ZNF316: variants seen among roughly 807,000 people sequenced by gnomAD.
The protein encoded by ZNF316 is zinc finger protein 316.
Under a neutral mutation model 75.6 loss-of-function variants are expected in ZNF316, and 23 were observed. The observed-to-expected ratio is 0.30, with a 90% CI of 0.22 to 0.43. The LOEUF is 0.43. Ranked by LOEUF, ZNF316 falls within the 20% of genes least tolerant of loss-of-function variation. The pLI is 1.00. For synonymous variants in ZNF316, 827 were observed against 666.2 expected, an observed-to-expected ratio of 1.24 and a Z score of -3.72; for missense variants, 1,266 against 1,409.4, an observed-to-expected ratio of 0.90 and a Z score of 1.63.
In ZNF316 at chr7:6,654,606, C is replaced by T. The variant is rs1779584045; in HGVS notation, c.3010C>T (p.Leu1004=). ...GPSGAYREGV[L] ...CTCGGGCGCCTACCGGGAGGGCGTC[C>T]TGTGAGGGGCCCGGGGCCGACAGCA... Residue 1004 remains leucine (L), a synonymous_variant, in exon 9 of 9, where the codon CTG becomes TTG. Transcript: ENST00000382252. 4.2e-6 allele frequency: 5 copies of T among 1,185,768 alleles called. No individual in the cohort carries two copies. The highest frequency in any genetic ancestry group is 3.4e-4 in the Middle Eastern group (1 of 2,922). 73.5% of individuals were successfully genotyped at this position (1,185,768 alleles called of 1,614,324 possible).
rs1201763976 is a variant in ZNF316, at chr7:6,654,584, G to A, written c.2988G>A (p.Ser996=). The change falls in exon 9 of 9, where the codon TCG becomes TCA. Residue 996 remains serine (S), a synonymous_variant. Coordinates refer to ENST00000382252, the MANE Select transcript of ZNF316 (RefSeq NM_001278559.2). The part of the protein sequence containing the change: ...SEHQAAFAGP[S]GAYREGVL The stretch of plus-strand genomic sequence containing the variant: ...ACCAGGCCGCGTTCGCCGGGCCCTC[G>A]GGCGCCTACCGGGAGGGCGTCCTGT... The A allele has an allele frequency of 2.4e-5, 28 of 1,186,298 alleles. No homozygotes were observed. The highest frequency in any genetic ancestry group is 2.9e-5 in the Non-Finnish European group (28 of 958,840). 73.5% of individuals were successfully genotyped at this position (1,186,298 alleles called of 1,614,324 possible). A position where few individuals can be genotyped will look rare whatever the true frequency, so the allele number is the denominator to read the frequency against.
chr7:6,640,575 C>T lies in ZNF316; in HGVS notation c.-166-1250C>T, dbSNP rs545603376. ...GATCCAGTCACCTCCCACCAGGCCC[C>T]GCCTCCAGCATTGGGGATTACGGTT... is the stretch of plus-strand genomic sequence containing the variant. On this transcript the variant is annotated intron_variant, in intron 3 of 8. Transcript: ENST00000382252. This position sits in a 1 kb window ranked among gnomAD's most constrained non-coding sequence, Gnocchi z 5.1. Among the ~76,000 whole-genome samples, 67 of 152,342 alleles carry T rather than the reference C, an allele frequency of 4.4e-4. No individual in the cohort carries two copies. The highest frequency in any genetic ancestry group is 3.9e-3 in the Admixed American group (60 of 15,302).
chr7:6,643,986 G>A (rs1409437523), intron 7 of ZNF316, 38 bp downstream of exon 7: 10 of 1,231,806 alleles, frequency 8.1e-6, no homozygotes, highest in African/African-American at 1.5e-5. Context: ...AGGCAGCCTG[G>A]TGTGATGGCT....
chr7:6,653,905 C>G lies in ZNF316; in HGVS notation c.2309C>G (p.Thr770Arg). The G allele has an allele frequency of 8.9e-7, 1 of 1,124,390 alleles. No individual in the cohort carries two copies. The highest frequency in any genetic ancestry group is 1.1e-6 in the Non-Finnish European group (1 of 919,446). The allele number at this position is 1,124,390 out of a possible 1,614,324, so 69.7% of individuals were successfully genotyped here. The stretch of plus-strand genomic sequence containing the variant: ...TTGGCGGCGCACGTGCGCGGCCACA[C>G]GGGCGAGAAGCCGTTCGTGTGCGGC... ...SHLAAHVRGH[T>R]GEKPFVCGVC... The change falls in exon 9 of 9, where the codon ACG (threonine) becomes AGG (arginine). Residue 770 changes from threonine to arginine, a missense_variant. Coordinates refer to ENST00000382252, the MANE Select transcript of ZNF316 (RefSeq NM_001278559.2).
chr7:6,656,484 C>G lies in ZNF316; in HGVS notation c.*1873C>G, dbSNP rs1041534890. ...CACTCCTGGGAACCCGTCGGGGAGGCTCTGCGCGGCCTCAGGTCCAACTTG... is the reference window on the plus strand; with the variant it reads ...CACTCCTGGGAACCCGTCGGGGAGGGTCTGCGCGGCCTCAGGTCCAACTTG... On this transcript the variant is annotated 3_prime_UTR_variant, in exon 9 of 9. Transcript: ENST00000382252. 1 of 152,262 alleles carries G rather than the reference C, an allele frequency of 6.6e-6. No homozygotes were observed. The highest frequency in any genetic ancestry group is 2.4e-5 in the African/African-American group (1 of 41,452). 9.4% of individuals were successfully genotyped at this position (152,262 alleles called of 1,614,324 possible). A position where few individuals can be genotyped will look rare whatever the true frequency, so the allele number is the denominator to read the frequency against.
At chr7:6,650,936 C>T (rs1055098495) in intron 8 of ZNF316, among the ~76,000 whole-genome samples, 1 of 152,186 alleles carries the variant, frequency 6.6e-6, no homozygotes, top group African/African-American at 2.4e-5. Flanking sequence ...AGGAGCCCCA[C>T]CGAGCCAGCT....
intron 8 of ZNF316, among the ~76,000 whole-genome samples, chr7:6,648,930 G>C (rs1779457212): frequency 6.6e-6 from 1 of 152,202 alleles, no homozygotes; most frequent in Non-Finnish European, 1.5e-5. Context: ...GCTGATGCCT[G>C]TGGAGGGAGG....
Position 6,655,567 on chromosome 7 carries a change from C to G in ZNF316, c.*956C>G, listed in dbSNP as rs1014137785. 6.6e-6 allele frequency: 1 copy of G among 152,242 alleles called. No homozygotes were observed. The highest frequency in any genetic ancestry group is 1.5e-5 in the Non-Finnish European group (1 of 68,048). 9.4% of individuals were successfully genotyped at this position (152,242 alleles called of 1,614,324 possible). A position where few individuals can be genotyped will look rare whatever the true frequency, so the allele number is the denominator to read the frequency against. The stretch of plus-strand genomic sequence containing the variant: ...CCTCTCCGGGAGCAGGCAGACGCCC[C>G]GTTCTCGGAGCCCAGCGCTCACTTA... On this transcript the variant is annotated 3_prime_UTR_variant, in exon 9 of 9. Coordinates refer to ENST00000382252, the MANE Select transcript of ZNF316 (RefSeq NM_001278559.2).
rs1779542840 is a variant in ZNF316, at chr7:6,653,133, G to A, written c.1537G>A (p.Gly513Ser). 4.3e-6 allele frequency: 5 copies of A among 1,170,900 alleles called. No individual in the cohort carries two copies. The South Asian group carries it at 1.7e-4, about 39-fold the overall frequency. The allele number at this position is 1,170,900 out of a possible 1,614,324, so 72.5% of individuals were successfully genotyped here. A position where few individuals can be genotyped will look rare whatever the true frequency, so the allele number is the denominator to read the frequency against. The change falls in exon 9 of 9, where the codon GGT (glycine) becomes AGT (serine). Residue 513 changes from glycine (G) to serine (S), a missense_variant. Around this residue, in one of 3 missense-constraint regions of ZNF316, gnomAD observed 961 missense variants for 990.9 expected, o/e 0.97. Transcript: ENST00000382252. ...HRRGGGCAEA[G>S]GDGPRREPGE... ...ACGCGGCGGGGGCTGCGCGGAGGCGGGTGGTGACGGCCCCCGGCGGGAGCC... is the reference window on the plus strand; with the variant it reads ...ACGCGGCGGGGGCTGCGCGGAGGCGAGTGGTGACGGCCCCCGGCGGGAGCC...
In ZNF316 at chr7:6,653,542, C is replaced by T. The variant is rs1204003457; in HGVS notation, c.1946C>T (p.Ala649Val). The change falls in exon 9 of 9, where the codon GCG becomes GTG. Residue 649 changes from alanine to valine, a missense_variant. Transcript: ENST00000382252. ...PLSLVEGTGL[A>V]CDPFGGGGAA... The stretch of plus-strand genomic sequence containing the variant: ...TCCCTGGTGGAGGGTACCGGGCTGG[C>T]GTGCGACCCTTTCGGCGGCGGCGGG... 21 of 1,207,486 alleles carry T rather than the reference C, an allele frequency of 1.7e-5. No homozygotes were observed. Among genetic ancestry groups the T allele is most frequent in the African/African-American group, 3.2e-5 (2 of 62,998 alleles). The allele number at this position is 1,207,486 out of a possible 1,614,324, so 74.8% of individuals were successfully genotyped here. A position where few individuals can be genotyped will look rare whatever the true frequency, so the allele number is the denominator to read the frequency against.
At position 6,652,685 on chromosome 7, in the gene ZNF316, C is replaced by G; in HGVS notation, c.1089C>G (p.His363Gln). Reference protein sequence around the residue: ...VFPHRSRLAKHQRYHAAVKPF... With the variant: ...VFPHRSRLAKQQRYHAAVKPF... ...CGCACCGCTCGCGGCTGGCCAAGCA[C>G]CAGCGCTACCACGCGGCCGTCAAGC... Residue 363 changes from histidine to glutamine, a missense_variant, in exon 9 of 9, where the codon CAC (histidine) becomes CAG (glutamine). Transcript: ENST00000382252. The G allele has an allele frequency of 8.1e-7, 1 of 1,234,248 alleles. No individual in the cohort carries two copies. Among genetic ancestry groups the G allele is most frequent in the Non-Finnish European group, 1.0e-6 (1 of 988,960 alleles). The allele number at this position is 1,234,248 out of a possible 1,614,324, so 76.5% of individuals were successfully genotyped here.
intron 8 of ZNF316, among the ~76,000 whole-genome samples, chr7:6,644,859 G>A (rs1779371751): frequency 6.6e-6 from 1 of 152,204 alleles, no homozygotes; most frequent in Admixed American, 6.5e-5. Context: ...GCATGTGAGG[G>A]GCCAGCTGTC....
chr7:6,651,975 C>G (rs2115318489), intron 8 of ZNF316, among the ~76,000 whole-genome samples: 1 of 152,300 alleles, frequency 6.6e-6, no homozygotes, highest in Non-Finnish European at 1.5e-5. Flanking sequence ...TGCCCCGTTC[C>G]TCAGCAGGTG....
chr7:6,638,144 C>G, intron 2 of ZNF316, 135 bp downstream of exon 2: 1 of 152,556 alleles, frequency 6.6e-6, no homozygotes, highest in Non-Finnish European at 1.5e-5. Context: ...GAGGATCAGG[C>G]CCCCAGCTCT....
intron 8 of ZNF316, among the ~76,000 whole-genome samples, chr7:6,646,457 C>T (rs754755656): frequency 2.8e-4 from 43 of 152,302 alleles, no homozygotes; most frequent in South Asian, 1.2e-3. Flanking sequence ...CTTGTGCAGG[C>T]TTGAGCCTGA....
chr7:6,651,585 G>A (rs969306703), intron 8 of ZNF316, among the ~76,000 whole-genome samples: 1 of 152,056 alleles, frequency 6.6e-6, no homozygotes, highest in African/African-American at 2.4e-5. Flanking sequence ...AACCTGGGAG[G>A]TGGAGGTTGC....
rs1779299641 is a variant in ZNF316 at position 6,640,783 on chromosome 7, C to T, written c.-166-1042C>T. ...GGATCCCTCATGAATGGTCTAGCAC[C>T]GTCCCCTTGGTGATAAGGGAGTTCT... is the stretch of plus-strand genomic sequence containing the variant. On this transcript the variant is annotated intron_variant, in intron 3 of 8. Transcript: ENST00000382252. This position sits in a 1 kb window ranked among gnomAD's most constrained non-coding sequence, Gnocchi z 5.1. Among the ~76,000 whole-genome samples, 1 of 152,162 alleles carries T rather than the reference C, an allele frequency of 6.6e-6. No individual in the cohort carries two copies. Among genetic ancestry groups the T allele is most frequent in the African/African-American group, 2.4e-5 (1 of 41,448 alleles).
At position 6,642,631 on chromosome 7, in the gene ZNF316, G is replaced by C; in HGVS notation, c.222G>C (p.Glu74Asp). Residue 74 changes from glutamate to aspartate, a missense_variant, in exon 5 of 9, where the codon GAG (glutamate) becomes GAC (aspartate). Transcript: ENST00000382252. The surrounding 1 kb of genome is among the most constrained non-coding windows in gnomAD (Gnocchi z 8.1). ...ATGCGCAGGTGGAGGCGGTGGCCGAGGTGGAGGTGGAGGCGGACGTGGAGG... is the reference window on the plus strand; with the variant it reads ...ATGCGCAGGTGGAGGCGGTGGCCGACGTGGAGGTGGAGGCGGACGTGGAGG... ...VQDAQVEAVA[E>D]VEVEADVEEE... 1 of 1,234,576 alleles carries C rather than the reference G, an allele frequency of 8.1e-7. No individual in the cohort carries two copies. The highest frequency in any genetic ancestry group is 1.0e-6 in the Non-Finnish European group (1 of 989,206). 76.5% of individuals were successfully genotyped at this position (1,234,576 alleles called of 1,614,324 possible).
chr7:6,653,060 C>A lies in ZNF316; in HGVS notation c.1464C>A (p.Pro488=). The A allele has an allele frequency of 8.2e-7, 1 of 1,212,906 alleles. No homozygotes were observed. The highest frequency in any genetic ancestry group is 3.4e-5 in the East Asian group (1 of 29,478). 75.1% of individuals were successfully genotyped at this position (1,212,906 alleles called of 1,614,324 possible). Residue 488 remains proline, a synonymous_variant, in exon 9 of 9, where the codon CCC becomes CCA. Coordinates refer to ENST00000382252, the MANE Select transcript of ZNF316 (RefSeq NM_001278559.2). The stretch of plus-strand genomic sequence containing the variant: ...CGGCCGACCGCCCGCACTGCTGTCC[C>A]GACTGCGGCCAGGCCTTCCGCCTGC... ...VHTADRPHCC[P]DCGQAFRLRA...
Sources: allele counts gnomAD v4.1 joint callset (sites outside exome capture counted in the v4.1 genomes callset), GRCh38; gene constraint gnomAD v4.1.1; regional missense constraint gnomAD v4.1.1; non-coding constraint Gnocchi (gnomAD v3.1); transcripts MANE v1.5; gene names NCBI Gene and HGNC (gene_info 2026-07-23, HGNC 2026-07-21).